The following NLRC5 variants were observed in gnomAD, a reference collection of about 807,000 sequenced individuals.
NLRC5 encodes the protein NLR family CARD domain containing 5.
NLRC5 carries 114 observed loss-of-function variants against 206.9 expected under a neutral mutation model. The ratio of observed to expected loss-of-function variants is 0.55; its 90% CI spans 0.47 to 0.64. NLRC5 has a LOEUF of 0.64. NLRC5 is among the 30% of genes least tolerant of loss of function. The pLI, the probability that NLRC5 is intolerant of heterozygous loss-of-function variation, is 0.00. For missense variants in NLRC5, 2,008 were observed against 2,305.5 expected (o/e 0.87, Z 2.64); for synonymous variants, 952 against 962.8 (o/e 0.99, Z 0.21).
chr16:57,081,228 C>T, intron 47 of NLRC5, 47 bp downstream of exon 47: 1 of 1,513,048 alleles, frequency 6.6e-7, no homozygotes, highest in Non-Finnish European at 8.9e-7. Context: ...GGGGGACCTA[C>T]ATCCCGGGAA....
chr16:56,998,752 G>C (rs551192332), intron 1 of NLRC5, among the ~76,000 whole-genome samples: 1 of 152,322 alleles, frequency 6.6e-6, no homozygotes, highest in East Asian at 1.9e-4. Flanking sequence ...TATACAATGT[G>C]TCTTGTTTAT....
In NLRC5 at chr16:57,037,223, G is replaced by A. The variant is rs751227747; in HGVS notation, c.2740G>A (p.Gly914Arg). ...DLSNNGLSVAGVHCVLRAVSA... is the reference protein window; with the variant it reads ...DLSNNGLSVARVHCVLRAVSA... The stretch of plus-strand genomic sequence containing the variant: ...CAGTAACAACGGGCTTTCTGTGGCC[G>A]GGGTGCATTGTGTGCTGAGGGCCGT... The change falls in exon 15 of 49, where the codon GGG becomes AGG. Residue 914 changes from glycine (G) to arginine (R), a missense_variant. Gly to Arg is a moderately radical substitution (Grantham distance 125). Coordinates refer to ENST00000688547, the MANE Select transcript of NLRC5 (RefSeq NM_001384950.1). The A allele has an allele frequency of 1.4e-5, 22 of 1,613,618 alleles. No individual in the cohort carries two copies. The highest frequency in any genetic ancestry group is 1.9e-5 in the Non-Finnish European group (22 of 1,179,922).
At chr16:57,040,567 T>G in intron 16 of NLRC5, 83 bp from the exon 17 acceptor site, 2 of 1,361,636 alleles carry the variant, frequency 1.5e-6, no homozygotes, top group Non-Finnish European at 2.1e-6. Flanking sequence ...TAGGGCTCGA[T>G]GGTGGAAGGC....
intron 23 of NLRC5, 125 bp downstream of exon 23, chr16:57,047,753 T>C: frequency 1.2e-6 from 1 of 801,070 alleles, no homozygotes; most frequent in South Asian, 1.5e-5. Flanking sequence ...CCCTGCCCCA[T>C]GAGAGTCCCC....
chr16:57,079,467 G>A (rs1470111869), intron 45 of NLRC5, 79 bp from the exon 46 acceptor site: 2 of 1,396,350 alleles, frequency 1.4e-6, no homozygotes, highest in Non-Finnish European at 1.0e-6. Flanking sequence ...CCAGACCCTG[G>A]TGGCTCTGGA....
intron 1 of NLRC5, chr16:57,013,513 T>A (rs2059713940): frequency 1.3e-6 from 1 of 794,104 alleles, no homozygotes; most frequent in African/African-American, 1.7e-5. Flanking sequence ...TGGCTGCTTG[T>A]GCTTTCATCA....
intron 24 of NLRC5, 77 bp from the exon 25 acceptor site, chr16:57,054,674 C>A: frequency 2.2e-6 from 2 of 919,760 alleles, no homozygotes; most frequent in East Asian, 5.3e-5. Context: ...CCTCCCCACC[C>A]TCCCTTTCCT....
Position 57,033,521 on chromosome 16 carries a change from C to T in NLRC5, c.2478-83C>T, listed in dbSNP as rs1279924392. On this transcript the variant is annotated intron_variant, in intron 11 of 48. Coordinates refer to ENST00000688547, the MANE Select transcript of NLRC5 (RefSeq NM_001384950.1). ...TTGGGTTGTGCTTCAGGGTCTTCAG[C>T]CTCTAGAAGCCAAGGAAAGAGGCTT... The T allele has an allele frequency of 3.0e-6, 4 of 1,355,610 alleles. No individual in the cohort carries two copies. The African/African-American group carries it at 4.3e-5, about 15-fold the overall frequency. The allele number at this position is 1,355,610 out of a possible 1,614,324, so 84.0% of individuals were successfully genotyped here.
Position 57,074,668 on chromosome 16 carries a change from G to A in NLRC5, c.4736G>A (p.Cys1579Tyr). Reference sequence around the variant, plus strand: ...ACTCACAGACTAAGCCAGATGACCTGCCTGCAGAGCCTCAGGTGAGTGACC... The same window carrying A: ...ACTCACAGACTAAGCCAGATGACCTACCTGCAGAGCCTCAGGTGAGTGACC... ...LLTHRLSQMT[C>Y]LQSLRLNRNS... Residue 1579 changes from cysteine (C) to tyrosine (Y), a missense_variant, in exon 39 of 49, where the codon TGC becomes TAC. Cys to Tyr is a radical substitution (Grantham distance 194). Coordinates refer to ENST00000688547, the MANE Select transcript of NLRC5 (RefSeq NM_001384950.1). The A allele has an allele frequency of 1.2e-6, 2 of 1,613,814 alleles. No homozygotes were observed. Among genetic ancestry groups the A allele is most frequent in the Non-Finnish European group, 1.7e-6 (2 of 1,179,790 alleles).
intron 13 of NLRC5, 123 bp from the exon 14 acceptor site, chr16:57,035,977 T>C: frequency 3.4e-6 from 3 of 873,266 alleles, no homozygotes; most frequent in Non-Finnish European, 5.5e-6. Context: ...TCGATTTCAG[T>C]TATTATCAAG....
At chr16:57,078,088 G>T in intron 43 of NLRC5, 68 bp downstream of exon 43, 1 of 1,336,760 alleles carries the variant, frequency 7.5e-7, no homozygotes, top group Non-Finnish European at 1.0e-6. Context: ...CAGTGGGGGG[G>T]TCCAGGCCCC....
chr16:57,078,550 C>T (rs1400201171), intron 43 of NLRC5, among the ~76,000 whole-genome samples: 4 of 149,572 alleles, frequency 2.7e-5, no homozygotes, highest in African/African-American at 1.0e-4. Context: ...CGGCTCACTG[C>T]AACCTCCACC....
rs1257732983 is a variant in NLRC5, at chr16:57,036,201, C to T, written c.2711+18C>T. 5 of 1,609,956 alleles carry T rather than the reference C, an allele frequency of 3.1e-6. No individual in the cohort carries two copies. The highest frequency in any genetic ancestry group is 4.2e-6 in the Non-Finnish European group (5 of 1,178,184). On this transcript the variant is annotated intron_variant, in intron 14 of 48. Coordinates refer to ENST00000688547, the MANE Select transcript of NLRC5 (RefSeq NM_001384950.1). The stretch of plus-strand genomic sequence containing the variant: ...AAGCTGGAGTGAGTTGTCCACCCCA[C>T]CGCTGGGTACCAGGGAAGGCCCTGT...
chr16:56,989,635 C>G lies in NLRC5; in HGVS notation c.-128+18C>G, dbSNP rs917989842. ...CTCTGAGGGTGAGTGCCGGGCGTGCCGCGGGGCTGCGGGACCCGGGCTGGG... is the reference window on the plus strand; with the variant it reads ...CTCTGAGGGTGAGTGCCGGGCGTGCGGCGGGGCTGCGGGACCCGGGCTGGG... On this transcript the variant is annotated intron_variant, in intron 1 of 48. Transcript: ENST00000688547. The G allele has an allele frequency of 6.6e-6, 1 of 152,600 alleles. No homozygotes were observed. The highest frequency in any genetic ancestry group is 2.1e-4 in the South Asian group (1 of 4,860). The allele number at this position is 152,600 out of a possible 1,614,324, so 9.5% of individuals were successfully genotyped here.
At chr16:57,044,851 A>C (rs118092024) in intron 20 of NLRC5, among the ~76,000 whole-genome samples, 2,793 of 152,086 alleles carry the variant, frequency 0.018, 37 homozygotes, top group Middle Eastern at 0.041. Context: ...TCGAGGCTAC[A>C]GTGAGTTGTG....
At chr16:57,048,870 A>C (rs2064392583) in intron 23 of NLRC5, among the ~76,000 whole-genome samples, 1 of 152,072 alleles carries the variant, frequency 6.6e-6, no homozygotes, top group South Asian at 2.1e-4. Context: ...CTTAAAGTCA[A>C]CCAATGGTCA....
chr16:57,070,248 G>GGTATGT (rs1555538449), intron 37 of NLRC5, among the ~76,000 whole-genome samples: 1 of 149,836 alleles, frequency 6.7e-6, no homozygotes, highest in African/African-American at 2.5e-5. Context: ...AGAACAAGAG[G>GGTATGT]GTGTGTGTGT....
At chr16:57,067,678 A>T in intron 35 of NLRC5, 58 bp from the exon 36 acceptor site, 1 of 1,538,248 alleles carries the variant, frequency 6.5e-7, no homozygotes, top group Non-Finnish European at 9.0e-7. Context: ...TCTGGATGTG[A>T]TGACCTCTGA....
intron 17 of NLRC5, among the ~76,000 whole-genome samples, chr16:57,041,167 TA>T (rs2063233380): frequency 1.3e-5 from 2 of 152,226 alleles, no homozygotes; most frequent in African/African-American, 4.8e-5. Flanking sequence ...TCTCATCGTG[TA>T]TTTCTGTTTT....
Sources: allele counts gnomAD v4.1 joint callset (sites outside exome capture counted in the v4.1 genomes callset), GRCh38; gene constraint gnomAD v4.1.1; transcripts MANE v1.5; gene names NCBI Gene and HGNC (gene_info 2026-07-23, HGNC 2026-07-21).